EPN2: variants seen among roughly 807,000 people sequenced by gnomAD.
EPN2 encodes epsin 2.
In EPN2, 34 loss-of-function variants were observed where a neutral mutation model predicts 61.7. The observed-to-expected ratio is 0.55, with a 90% CI of 0.42 to 0.73. The LOEUF (loss-of-function observed/expected upper bound fraction) is 0.73, where lower values mean the gene tolerates loss of function less well. EPN2 is among the 30% of genes least tolerant of loss of function. EPN2 has a pLI of 0.00. For synonymous variants in EPN2, 349 were observed against 353.6 expected (o/e 0.99, Z 0.15); for missense variants, 714 against 839.2 (o/e 0.85, Z 1.84).
At chr17:19,310,299 C>G (rs1376293009) in intron 5 of EPN2, among the ~76,000 whole-genome samples, 1 of 152,110 alleles carries the variant, frequency 6.6e-6, no homozygotes, top group Non-Finnish European at 1.5e-5. Flanking sequence ...CTGGGCTTTC[C>G]CTGAGTGAGC....
At chr17:19,244,429 A>G (rs1375864145) in intron 1 of EPN2, among the ~76,000 whole-genome samples, 1 of 151,830 alleles carries the variant, frequency 6.6e-6, no homozygotes, top group African/African-American at 2.4e-5. Flanking sequence ...ACTACACTCC[A>G]GACTGTGTGA....
chr17:19,285,062 C>G lies in EPN2; in HGVS notation c.596-558C>G, dbSNP rs1445197207. Reference sequence around the variant, plus strand: ...AGAAGTGAAATTGTTTTATTTCTCTCAAGGATCCTCTTACCAACCCCCAGA... The same window carrying G: ...AGAAGTGAAATTGTTTTATTTCTCTGAAGGATCCTCTTACCAACCCCCAGA... On this transcript the variant is annotated intron_variant, in intron 3 of 10. Transcript: ENST00000314728. This position sits in a 1 kb window ranked among gnomAD's most constrained non-coding sequence, Gnocchi z 4.5. Among the ~76,000 whole-genome samples, 1 of 152,214 alleles carries G rather than the reference C, an allele frequency of 6.6e-6. No individual in the cohort carries two copies. The highest frequency in any genetic ancestry group is 2.4e-5 in the African/African-American group (1 of 41,450).
At position 19,285,915 on chromosome 17, in the gene EPN2, C is replaced by T. The variant is rs191038987; in HGVS notation, c.766+125C>T. ...CTGGGCCTGGGGGTTTGGCCTCCAG[C>T]AGGCCCAGGAGCCCTTTCTTCCTCT... On this transcript the variant is annotated intron_variant, in intron 4 of 10. Transcript: ENST00000314728. The surrounding 1 kb of genome is among the most constrained non-coding windows in gnomAD (Gnocchi z 4.5). 54 of 1,401,756 alleles carry T rather than the reference C, an allele frequency of 3.9e-5. No individual in the cohort carries two copies. Among genetic ancestry groups the T allele is most frequent in the Non-Finnish European group, 4.9e-5 (53 of 1,072,252 alleles). The allele number at this position is 1,401,756 out of a possible 1,614,324, so 86.8% of individuals were successfully genotyped here.
At chr17:19,287,055 G>A (rs1023078968) in intron 4 of EPN2, among the ~76,000 whole-genome samples, 1 of 152,196 alleles carries the variant, frequency 6.6e-6, no homozygotes, top group East Asian at 1.9e-4. Context: ...GGCCAATTTT[G>A]TGTTACCCTG....
intron 1 of EPN2, among the ~76,000 whole-genome samples, chr17:19,266,592 T>C (rs1463643359): frequency 6.6e-6 from 1 of 151,218 alleles, no homozygotes; most frequent in Non-Finnish European, 1.5e-5. Flanking sequence ...TTAGTAGAGG[T>C]GGGGTTTCAC....
rs1420030702 is a variant in EPN2 at position 19,283,395 on chromosome 17, G to C, written c.276G>C (p.Val92=). 1 of 1,614,186 alleles carries C rather than the reference G, an allele frequency of 6.2e-7. No individual in the cohort carries two copies. The highest frequency in any genetic ancestry group is 8.5e-7 in the Non-Finnish European group (1 of 1,180,020). ...DYLIKTGSER[V]AQQCRENIFA... is the part of the protein sequence containing the mutation. ...TCATCAAGACAGGCTCCGAACGTGT[G>C]GCCCAGCAGTGCCGGGAGAACATCT... is the stretch of plus-strand genomic sequence containing the variant. Residue 92 remains valine, a synonymous_variant, in exon 3 of 11, where the codon GTG becomes GTC. Transcript: ENST00000314728. The surrounding 1 kb of genome is among the most constrained non-coding windows in gnomAD (Gnocchi z 7.0).
Position 19,313,530 on chromosome 17 carries a change from A to G in EPN2, c.1147+251A>G, listed in dbSNP as rs552034987. Reference sequence around the variant, plus strand: ...AAAGTCAACCTCCCCTCAACCTCCCATTTGCATCAGAAATGGCTTGTGCCT... The same window carrying G: ...AAAGTCAACCTCCCCTCAACCTCCCGTTTGCATCAGAAATGGCTTGTGCCT... On this transcript the variant is annotated intron_variant, in intron 7 of 10. Coordinates refer to ENST00000314728, the MANE Select transcript of EPN2 (RefSeq NM_014964.5). 6 of 407,816 alleles carry G rather than the reference A, an allele frequency of 1.5e-5. No homozygotes were observed. The South Asian group carries it at 4.1e-4, about 28-fold the overall frequency. The allele number at this position is 407,816 out of a possible 1,614,324, so 25.3% of individuals were successfully genotyped here.
intron 4 of EPN2, among the ~76,000 whole-genome samples, chr17:19,309,677 T>G (rs1357908189): frequency 2.0e-5 from 3 of 152,234 alleles, no homozygotes; most frequent in African/African-American, 4.8e-5. Context: ...AGGGGACTTC[T>G]GTAGTTGGGA....
chr17:19,237,780 A>G (rs898426782), intron 1 of EPN2, among the ~76,000 whole-genome samples: 88 of 151,554 alleles, frequency 5.8e-4, no homozygotes, highest in African/African-American at 2.0e-3. Context: ...TTCCGCTGCA[A>G]GGATCTCCCC....
At position 19,332,012 on chromosome 17, in the gene EPN2, C is replaced by T. The variant is rs1184923558; in HGVS notation, c.1571C>T (p.Ser524Leu). 3 of 1,613,796 alleles carry T rather than the reference C, an allele frequency of 1.9e-6. No homozygotes were observed. Among genetic ancestry groups the T allele is most frequent in the Admixed American group, 3.3e-5 (2 of 60,026 alleles). ...GPNAALVNLDSLVTRPAPPAQ... is the reference protein window; with the variant it reads ...GPNAALVNLDLLVTRPAPPAQ... ...AACGCGGCCCTGGTGAACCTGGACTCACTGGTGACCAGGCCTGCCCCACCA... is the reference window on the plus strand; with the variant it reads ...AACGCGGCCCTGGTGAACCTGGACTTACTGGTGACCAGGCCTGCCCCACCA... The change falls in exon 10 of 11, where the codon TCA becomes TTA. Residue 524 changes from serine (S) to leucine (L), a missense_variant. Coordinates refer to ENST00000314728, the MANE Select transcript of EPN2 (RefSeq NM_014964.5).
rs2045364166 is a variant in EPN2, at chr17:19,282,064, C to G, written c.-184C>G. The G allele has an allele frequency of 6.6e-6, 1 of 152,132 alleles. No individual in the cohort carries two copies. 9.4% of individuals were successfully genotyped at this position (152,132 alleles called of 1,614,324 possible). A position where few individuals can be genotyped will look rare whatever the true frequency, so the allele number is the denominator to read the frequency against. On this transcript the variant is annotated 5_prime_UTR_variant, in exon 2 of 11. Transcript: ENST00000314728. Reference sequence around the variant, plus strand: ...GGAGCCTCATATCAGAGACGTGGACCTCACTGTAGCCTGGTAAGTGAGTGT... The same window carrying G: ...GGAGCCTCATATCAGAGACGTGGACGTCACTGTAGCCTGGTAAGTGAGTGT...
At chr17:19,323,057 C>A (rs1330955339) in intron 7 of EPN2, among the ~76,000 whole-genome samples, 1 of 152,194 alleles carries the variant, frequency 6.6e-6, no homozygotes, top group Non-Finnish European at 1.5e-5. Context: ...TTTCTCTAGG[C>A]CTCAGAGCTC....
intron 7 of EPN2, among the ~76,000 whole-genome samples, chr17:19,314,728 C>T (rs527998062): frequency 1.3e-5 from 2 of 152,334 alleles, no homozygotes; most frequent in Admixed American, 1.3e-4. Context: ...GACTGAAGGC[C>T]AGTTCCAGGG....
At chr17:19,291,628 G>A (rs909158239) in intron 4 of EPN2, among the ~76,000 whole-genome samples, 3 of 151,964 alleles carry the variant, frequency 2.0e-5, no homozygotes, top group Admixed American at 1.3e-4. Flanking sequence ...TTTTTGTAGA[G>A]ATGGGGTTTC....
At chr17:19,299,163 A>G (rs1480845703) in intron 4 of EPN2, among the ~76,000 whole-genome samples, 1 of 152,218 alleles carries the variant, frequency 6.6e-6, no homozygotes, top group African/African-American at 2.4e-5. Flanking sequence ...GTAATCGATT[A>G]TTTCCAATTG....
intron 1 of EPN2, among the ~76,000 whole-genome samples, chr17:19,252,723 C>T (rs1454148858): frequency 1.3e-5 from 2 of 152,186 alleles, no homozygotes; most frequent in Non-Finnish European, 2.9e-5. Flanking sequence ...TAGGGTCTTG[C>T]TCTGGCCCCA....
chr17:19,287,483 C>T (rs528133829), intron 4 of EPN2, among the ~76,000 whole-genome samples: 86 of 152,198 alleles, frequency 5.7e-4, no homozygotes, highest in South Asian at 6.2e-4. Context: ...AGGGGGCTGT[C>T]GGAGTCCAGG....
Position 19,328,924 on chromosome 17 carries a change from C to G in EPN2, c.1324+37C>G, listed in dbSNP as rs370240425. On this transcript the variant is annotated intron_variant, in intron 8 of 10. Transcript: ENST00000314728. Reference sequence around the variant, plus strand: ...ACTCACCCACTTTCCTGCCTGGCCTCTGAGCGCCCACGGGCCCTGCAGCCG... The same window carrying G: ...ACTCACCCACTTTCCTGCCTGGCCTGTGAGCGCCCACGGGCCCTGCAGCCG... 8.9e-6 allele frequency: 14 copies of G among 1,580,970 alleles called. No homozygotes were observed. In the Admixed American group the frequency reaches 1.6e-4, roughly 18 times the overall value.
chr17:19,251,744 G>C (rs932222345), intron 1 of EPN2, among the ~76,000 whole-genome samples: 4 of 152,110 alleles, frequency 2.6e-5, no homozygotes, highest in African/African-American at 9.7e-5. Context: ...AGGTAGTTGA[G>C]TGTTGAGCAG....
Sources: gnomAD v4.1 joint callset for allele counts (sites outside exome capture counted in the v4.1 genomes callset) on GRCh38, gnomAD v4.1.1 for gene constraint, Gnocchi (gnomAD v3.1) non-coding constraint, MANE v1.5 for transcripts, NCBI Gene and HGNC (gene_info 2026-07-23, HGNC 2026-07-21) for gene names.